GUCA1C: variants seen among roughly 807,000 people sequenced by gnomAD.
The protein encoded by GUCA1C is guanylyl cyclase-activating protein 3.
Under a neutral mutation model 16.2 loss-of-function variants are expected in GUCA1C, and 15 were observed. The observed-to-expected ratio is 0.93, with a 90% CI of 0.62 to 1.43. GUCA1C has a LOEUF of 1.43. GUCA1C is among the 40% of genes most tolerant of loss of function. GUCA1C has a pLI of 0.00. For synonymous variants in GUCA1C, 78 were observed against 85.4 expected (o/e 0.91, Z 0.48); for missense variants, 275 against 244.8 (o/e 1.12, Z -0.82).
intron 2 of GUCA1C, among the ~76,000 whole-genome samples, chr3:108,918,079 T>C (rs1292421043): frequency 1.3e-5 from 2 of 152,164 alleles, no homozygotes; most frequent in Non-Finnish European, 2.9e-5. Context: ...ATCCGCACAA[T>C]TGCCATTTTT....
intron 1 of GUCA1C, among the ~76,000 whole-genome samples, chr3:108,944,644 G>T (rs950803235): frequency 1.3e-5 from 2 of 152,134 alleles, no homozygotes; most frequent in East Asian, 3.9e-4. Flanking sequence ...ATGCAACCCC[G>T]TGTCTCATTT....
chr3:108,953,551 G>T lies in GUCA1C; in HGVS notation c.204+8C>A. On this transcript the variant is annotated splice_region_variant and intron_variant, in intron 1 of 3. Transcript: ENST00000261047. ...TTTTCAAATGAAATGAAAAATGAAA[G>T]ATCTTACCTTGTTCGTGTCAAAGGT... The T allele has an allele frequency of 6.5e-7, 1 of 1,531,514 alleles. No homozygotes were observed. The highest frequency in any genetic ancestry group is 9.0e-7 in the Non-Finnish European group (1 of 1,105,750). The allele number at this position is 1,531,514 out of a possible 1,614,324, so 94.9% of individuals were successfully genotyped here.
At chr3:108,931,865 C>CTTTTTTTT (rs59451506) in intron 1 of GUCA1C, among the ~76,000 whole-genome samples, 4 of 110,142 alleles carry the variant, frequency 3.6e-5, no homozygotes, top group Admixed American at 1.0e-4. Context: ...TTTCTTCCTT[C>CTTTTTTTT]TTTTTTTTTT....
chr3:108,917,981 G>T (rs892753088), intron 2 of GUCA1C, among the ~76,000 whole-genome samples: 1 of 152,184 alleles, frequency 6.6e-6, no homozygotes, highest in Non-Finnish European at 1.5e-5. Context: ...GGAGGTGGAG[G>T]TTGCAGTGAG....
rs1473271201 is a variant in GUCA1C at position 108,920,459 on chromosome 3, T to C, written c.331A>G (p.Asn111Asp). ...ACCATGAACATGTCCAGTAGTTCAT[T>C]TTTGTCAATAGAACCATTTCCATCA... ...DADGNGSIDK[N>D]ELLDMFMAVQ... is the part of the protein sequence containing the mutation. Residue 111 changes from asparagine to aspartate, a missense_variant, in exon 2 of 4, where the codon AAT (asparagine) becomes GAT (aspartate). Asn to Asp is a conservative substitution (Grantham distance 23). Transcript: ENST00000261047. The C allele has an allele frequency of 6.2e-7, 1 of 1,609,506 alleles. No homozygotes were observed. Among genetic ancestry groups the C allele is most frequent in the Non-Finnish European group, 8.5e-7 (1 of 1,176,128 alleles).
At position 108,929,488 on chromosome 3, in the gene GUCA1C, T is replaced by C. The variant is rs574710172; in HGVS notation, c.205-8903A>G. ...AGTAGCTAGGACTTCCAGTAAAATG[T>C]TGAAAAGCAGTGATGAGAGGGGACA... On this transcript the variant is annotated intron_variant, in intron 1 of 3. Coordinates refer to ENST00000261047, the MANE Select transcript of GUCA1C (RefSeq NM_005459.4). Among the ~76,000 whole-genome samples, 3 of 152,300 alleles carry C rather than the reference T, an allele frequency of 2.0e-5. No homozygotes were observed. In the East Asian group the frequency reaches 5.8e-4, roughly 29 times the overall value.
intron 3 of GUCA1C, among the ~76,000 whole-genome samples, chr3:108,912,654 T>A (rs1310417168): frequency 1.3e-5 from 2 of 151,370 alleles, no homozygotes; most frequent in South Asian, 2.1e-4. Context: ...TCCTGCTAAC[T>A]GATCCAGGTT....
intron 1 of GUCA1C, among the ~76,000 whole-genome samples, chr3:108,945,361 T>C (rs1307269218): frequency 6.6e-6 from 1 of 152,220 alleles, no homozygotes; most frequent in Non-Finnish European, 1.5e-5. Context: ...CCCACCTAAC[T>C]TCAAGTCCCA....
chr3:108,916,976 C>A (rs766966028), intron 2 of GUCA1C, among the ~76,000 whole-genome samples: 21 of 152,326 alleles, frequency 1.4e-4, no homozygotes, highest in Non-Finnish European at 2.8e-4. Context: ...AGGACACAAT[C>A]ATAAATATGA....
At chr3:108,947,394 C>T (rs66468029) in intron 1 of GUCA1C, among the ~76,000 whole-genome samples, 14,751 of 151,990 alleles carry the variant, frequency 0.097, 927 homozygotes, top group Non-Finnish European at 0.14. Flanking sequence ...TCAGGGGTGG[C>T]AGAGAAGGAA....
chr3:108,940,388 A>G (rs1022507696), intron 1 of GUCA1C, among the ~76,000 whole-genome samples: 2 of 152,198 alleles, frequency 1.3e-5, no homozygotes, highest in African/African-American at 4.8e-5. Context: ...TGCCTGCTCC[A>G]ATTTTTAAGG....
At chr3:108,908,522 G>A (rs1946414710) in intron 3 of GUCA1C, among the ~76,000 whole-genome samples, 1 of 152,108 alleles carries the variant, frequency 6.6e-6, no homozygotes, top group African/African-American at 2.4e-5. Flanking sequence ...TTTTAATCTT[G>A]AAGATATGAC....
At chr3:108,928,372 A>T (rs1391213163) in intron 1 of GUCA1C, among the ~76,000 whole-genome samples, 1 of 152,198 alleles carries the variant, frequency 6.6e-6, no homozygotes, top group Non-Finnish European at 1.5e-5. Flanking sequence ...TTTTTTGCAG[A>T]TATTTTCTCC....
At chr3:108,913,830 G>A (rs1271121109) in intron 3 of GUCA1C, among the ~76,000 whole-genome samples, 1 of 151,998 alleles carries the variant, frequency 6.6e-6, no homozygotes, top group African/African-American at 2.4e-5. Flanking sequence ...CACTTTGGGA[G>A]GCTGAGGAGG....
Position 108,953,650 on chromosome 3 carries a change from T to G in GUCA1C, c.113A>C (p.His38Pro), listed in dbSNP as rs749690034. Residue 38 changes from histidine to proline, a missense_variant, in exon 1 of 4, where the codon CAT becomes CCT. His to Pro is a moderately conservative substitution (Grantham distance 77). Coordinates refer to ENST00000261047, the MANE Select transcript of GUCA1C (RefSeq NM_005459.4). Reference protein sequence around the residue: ...MEYPSGLQTLHEFKTLLGLQG... With the variant: ...MEYPSGLQTLPEFKTLLGLQG... ...CAGACCCAAAAGTGTCTTAAATTCA[T>G]GTAGTGTTTGCAGGCCGGATGGATA... is the stretch of plus-strand genomic sequence containing the variant. 6.2e-7 allele frequency: 1 copy of G among 1,612,908 alleles called. No individual in the cohort carries two copies.
At chr3:108,919,660 C>A (rs1376928588) in intron 2 of GUCA1C, among the ~76,000 whole-genome samples, 1 of 152,098 alleles carries the variant, frequency 6.6e-6, no homozygotes, top group Admixed American at 6.5e-5. Flanking sequence ...TAGTTCTACT[C>A]ACTTATTTTT....
chr3:108,951,685 G>GCATTTGT (rs2107322068), intron 1 of GUCA1C, among the ~76,000 whole-genome samples: 1 of 152,198 alleles, frequency 6.6e-6, no homozygotes, highest in East Asian at 1.9e-4. Flanking sequence ...ACCTTTTGTG[G>GCATTTGT]CATTTGTCAT....
intron 1 of GUCA1C, among the ~76,000 whole-genome samples, chr3:108,926,607 A>T (rs1016124116): frequency 6.6e-6 from 1 of 152,058 alleles, no homozygotes; most frequent in Non-Finnish European, 1.5e-5. Flanking sequence ...CGGCCTCCCG[A>T]GTAGCTGGGA....
At chr3:108,931,245 T>C (rs1373264868) in intron 1 of GUCA1C, among the ~76,000 whole-genome samples, 1 of 152,264 alleles carries the variant, frequency 6.6e-6, no homozygotes, top group Non-Finnish European at 1.5e-5. Context: ...ACCTGCATGA[T>C]GAATGGCAAA....
Sources: allele counts gnomAD v4.1 joint callset (sites outside exome capture counted in the v4.1 genomes callset), GRCh38; gene constraint gnomAD v4.1.1; transcripts MANE v1.5; gene names NCBI Gene and HGNC (gene_info 2026-07-23, HGNC 2026-07-21).